MEIS1: variants seen among roughly 807,000 people sequenced by gnomAD.
MEIS1 encodes the protein Meis homeobox 1, also known as homeobox protein Meis1.
Under a neutral mutation model 50.8 loss-of-function variants are expected in MEIS1, and 5 were observed. The ratio of observed to expected loss-of-function variants is 0.10; its 90% CI spans 0.05 to 0.21. MEIS1 has a LOEUF of 0.21. MEIS1 is among the 10% of genes least tolerant of loss of function. The probability of loss-of-function intolerance (pLI) is 1.00; values close to 1 mark genes in which losing one functional copy is unlikely to be tolerated. For synonymous variants in MEIS1, 176 were observed against 179.3 expected, an observed-to-expected ratio of 0.98 and a Z score of 0.15; for missense variants, 318 against 517.3, an observed-to-expected ratio of 0.61 and a Z score of 3.74.
chr2:66,518,290 C>T (rs1431942490), intron 8 of MEIS1, among the ~76,000 whole-genome samples: 1 of 152,152 alleles, frequency 6.6e-6, no homozygotes, highest in Non-Finnish European at 1.5e-5. Context: ...TTTTTGTGTG[C>T]AGTGAAATAA....
rs779592480 is a variant in MEIS1, at chr2:66,571,542, T to C, written c.*334T>C. The stretch of plus-strand genomic sequence containing the variant: ...TCATGCTCAGTAGCTTAAGGGAATA[T>C]GCATTGTCTGCAATGGTGACTGATT... On this transcript the variant is annotated 3_prime_UTR_variant, in exon 13 of 13. Coordinates refer to ENST00000272369, the MANE Select transcript of MEIS1 (RefSeq NM_002398.3). 1 of 1,554,480 alleles carries C rather than the reference T, an allele frequency of 6.4e-7. No homozygotes were observed. Among genetic ancestry groups the C allele is most frequent in the South Asian group, 1.2e-5 (1 of 84,282 alleles).
chr2:66,439,253 G>A lies in MEIS1; in HGVS notation c.240-590G>A, dbSNP rs550853196. The A allele has an allele frequency of 5.4e-3, 5,692 of 1,044,468 alleles. 13 individuals are homozygous for A. The highest frequency in any genetic ancestry group is 6.2e-3 in the Non-Finnish European group (5,369 of 869,566). 64.7% of individuals were successfully genotyped at this position (1,044,468 alleles called of 1,614,324 possible). A position where few individuals can be genotyped will look rare whatever the true frequency, so the allele number is the denominator to read the frequency against. Reference sequence around the variant, plus strand: ...GCTATCAGCGAAGGGAGGGGAATGTGCGTGGAGCTGAGGAGGAGCCTCCCG... The same window carrying A: ...GCTATCAGCGAAGGGAGGGGAATGTACGTGGAGCTGAGGAGGAGCCTCCCG... On this transcript the variant is annotated intron_variant, in intron 2 of 12. Transcript: ENST00000272369.
intron 8 of MEIS1, among the ~76,000 whole-genome samples, chr2:66,541,896 G>T (rs541930030): frequency 6.6e-6 from 1 of 152,154 alleles, no homozygotes. Flanking sequence ...CTTTGATAAT[G>T]TGCAGTCAGA....
chr2:66,474,834 A>G (rs1672850704), intron 7 of MEIS1, among the ~76,000 whole-genome samples: 1 of 152,192 alleles, frequency 6.6e-6, no homozygotes. Flanking sequence ...AGACAGCAGA[A>G]CTTCCTGTTA....
At chr2:66,475,126 A>G (rs1672859289) in intron 7 of MEIS1, among the ~76,000 whole-genome samples, 1 of 126,932 alleles carries the variant, frequency 7.9e-6, no homozygotes, top group African/African-American at 3.9e-5. Context: ...TAAAATGCAT[A>G]TATATATACA....
chr2:66,568,884 C>A, intron 11 of MEIS1, 128 bp downstream of exon 11: 2 of 1,086,806 alleles, frequency 1.8e-6, no homozygotes, highest in Non-Finnish European at 2.9e-6. Flanking sequence ...TGTCTGCTAT[C>A]TGTGCATCTA....
chr2:66,470,849 A>G (rs1317595424), intron 7 of MEIS1, among the ~76,000 whole-genome samples: 1 of 152,218 alleles, frequency 6.6e-6, no homozygotes, highest in Non-Finnish European at 1.5e-5. Context: ...TTTTACTGTA[A>G]TATGGTAATA....
chr2:66,503,738 T>A lies in MEIS1; in HGVS notation c.743-8411T>A, dbSNP rs1311236659. On this transcript the variant is annotated intron_variant, in intron 7 of 12. Transcript: ENST00000272369. ...AAAGATGGTTACATATATGGGGCAT[T>A]TTTTTTTTTTTTTTTTTTTTTTTTG... is the stretch of plus-strand genomic sequence containing the variant. Among the ~76,000 whole-genome samples the A allele has an allele frequency of 2.1e-4, 5 of 23,960 alleles. No homozygotes were observed. In the East Asian group the frequency reaches 0.021, roughly 102 times the overall value. 15.7% of individuals were successfully genotyped at this position (23,960 alleles called of 152,430 possible). A position where few individuals can be genotyped will look rare whatever the true frequency, so the allele number is the denominator to read the frequency against.
intron 10 of MEIS1, 178 bp from the exon 11 acceptor site, chr2:66,568,489 A>G: frequency 2.0e-6 from 1 of 511,620 alleles, no homozygotes; most frequent in Non-Finnish European, 3.5e-6. Context: ...TTAAAAACTC[A>G]GTCACAGAGG....
intron 9 of MEIS1, among the ~76,000 whole-genome samples, chr2:66,562,968 C>A (rs940585156): frequency 4.3e-4 from 65 of 152,174 alleles, no homozygotes; most frequent in Non-Finnish European, 1.5e-5. Context: ...TTAAAGCATA[C>A]TAAAAGATTT....
chr2:66,469,590 T>C (rs959252583), intron 7 of MEIS1, among the ~76,000 whole-genome samples: 3 of 152,186 alleles, frequency 2.0e-5, no homozygotes, highest in African/African-American at 7.2e-5. Flanking sequence ...AGCTGTCCGA[T>C]GAATAATGGG....
chr2:66,478,328 C>A (rs1194106498), intron 7 of MEIS1, among the ~76,000 whole-genome samples: 1 of 152,196 alleles, frequency 6.6e-6, no homozygotes, highest in Non-Finnish European at 1.5e-5. Context: ...TTTTCCATAA[C>A]TGAAATGGAA....
At chr2:66,550,847 C>T (rs925069185) in intron 9 of MEIS1, among the ~76,000 whole-genome samples, 5 of 152,204 alleles carry the variant, frequency 3.3e-5, no homozygotes, top group Non-Finnish European at 5.9e-5. Flanking sequence ...TACTGAGCAT[C>T]GGTACAAGTT....
intron 8 of MEIS1, among the ~76,000 whole-genome samples, chr2:66,530,804 C>CT (rs1674373969): frequency 4.6e-5 from 7 of 152,272 alleles, no homozygotes; most frequent in African/African-American, 1.4e-4. Flanking sequence ...GGTTAGTGAA[C>CT]TCAAGATTGC....
chr2:66,447,684 A>G (rs1672184596), intron 6 of MEIS1, among the ~76,000 whole-genome samples: 1 of 152,164 alleles, frequency 6.6e-6, no homozygotes, highest in African/African-American at 2.4e-5. Context: ...CTTAATAGGG[A>G]CACTTTTAAA....
intron 7 of MEIS1, among the ~76,000 whole-genome samples, chr2:66,510,636 G>A (rs1673805194): frequency 6.6e-6 from 1 of 151,924 alleles, no homozygotes; most frequent in Non-Finnish European, 1.5e-5. Flanking sequence ...GAATTAGTTT[G>A]TTCCTCACCC....
intron 7 of MEIS1, among the ~76,000 whole-genome samples, chr2:66,494,590 G>C (rs932616981): frequency 2.6e-5 from 4 of 152,220 alleles, no homozygotes; most frequent in African/African-American, 9.7e-5. Context: ...TGTAAAGGTG[G>C]TGTAATATCA....
intron 6 of MEIS1, among the ~76,000 whole-genome samples, chr2:66,455,215 TC>T: frequency 6.6e-6 from 1 of 152,346 alleles, no homozygotes; most frequent in Non-Finnish European, 1.5e-5. Context: ...ATTTGAACAT[TC>T]AGGGCACTTG....
chr2:66,524,972 C>T (rs1028539576), intron 8 of MEIS1, among the ~76,000 whole-genome samples: 1 of 152,094 alleles, frequency 6.6e-6, no homozygotes, highest in African/African-American at 2.4e-5. Context: ...CTTTGGGAGA[C>T]CAGGACAGGC....
Sources: gnomAD v4.1 joint callset for allele counts (sites outside exome capture counted in the v4.1 genomes callset) on GRCh38, gnomAD v4.1.1 for gene constraint, MANE v1.5 for transcripts, NCBI Gene and HGNC (gene_info 2026-07-23, HGNC 2026-07-21) for gene names.